METTL24: variants seen among roughly 807,000 people sequenced by gnomAD.
METTL24 encodes probable methyltransferase-like protein 24.
METTL24 carries 29 observed loss-of-function variants against 32.7 expected under a neutral mutation model. That is an observed-to-expected ratio of 0.89 (90% CI 0.66 to 1.21). The LOEUF is 1.21. METTL24 is among the 50% of genes most tolerant of loss of function. The pLI, the probability that METTL24 is intolerant of heterozygous loss-of-function variation, is 0.00. For synonymous variants in METTL24, 163 were observed against 179.5 expected (o/e 0.91, Z 0.73); for missense variants, 439 against 468.1 (o/e 0.94, Z 0.57).
intron 4 of METTL24, among the ~76,000 whole-genome samples, chr6:110,248,564 C>G (rs1778214337): frequency 6.7e-6 from 1 of 148,812 alleles, no homozygotes; most frequent in Non-Finnish European, 1.5e-5. Context: ...AAAACAAAAC[C>G]TTTCTTCATG....
chr6:110,312,973 A>G (rs1562234332), intron 3 of METTL24, among the ~76,000 whole-genome samples: 1 of 152,248 alleles, frequency 6.6e-6, no homozygotes, highest in Admixed American at 6.5e-5. Context: ...AGAGATTTAC[A>G]TTGGTTACTT....
At chr6:110,353,025 A>G (rs1220867999) in intron 1 of METTL24, among the ~76,000 whole-genome samples, 1 of 152,252 alleles carries the variant, frequency 6.6e-6, no homozygotes, top group Non-Finnish European at 1.5e-5. Flanking sequence ...AGCCTCCATT[A>G]GCAGTTCCTT....
chr6:110,336,956 A>G (rs2114767573), intron 1 of METTL24, among the ~76,000 whole-genome samples: 1 of 152,306 alleles, frequency 6.6e-6, no homozygotes, highest in African/African-American at 2.4e-5. Flanking sequence ...ATTCTGCCAT[A>G]AAGACACATG....
At chr6:110,253,832 A>G in intron 4 of METTL24, 1 of 1,331,962 alleles carries the variant, frequency 7.5e-7, no homozygotes, top group Non-Finnish European at 9.9e-7. Context: ...ATAACAGACT[A>G]TGAATATATT....
At chr6:110,292,038 T>G (rs1771330391) in intron 4 of METTL24, among the ~76,000 whole-genome samples, 1 of 152,242 alleles carries the variant, frequency 6.6e-6, no homozygotes, top group South Asian at 2.1e-4. Flanking sequence ...ATCTCAGAAA[T>G]TGTTCCACAT....
chr6:110,302,041 C>A (rs575524945), intron 3 of METTL24, among the ~76,000 whole-genome samples: 2 of 152,060 alleles, frequency 1.3e-5, no homozygotes, highest in East Asian at 3.9e-4. Flanking sequence ...TTTAGGAGGC[C>A]GAGGTGGGCA....
chr6:110,296,322 GA>G (rs1582407826), intron 4 of METTL24, among the ~76,000 whole-genome samples: 1 of 152,176 alleles, frequency 6.6e-6, no homozygotes, highest in South Asian at 2.1e-4. Flanking sequence ...GTTGCATTCT[GA>G]AAAAACTGTA....
chr6:110,336,194 T>C (rs1772223798), intron 1 of METTL24, among the ~76,000 whole-genome samples: 1 of 152,206 alleles, frequency 6.6e-6, no homozygotes, highest in African/African-American at 2.4e-5. Flanking sequence ...GATTTGGGCC[T>C]TTCTGATGAG....
At chr6:110,273,707 T>TA (rs540057111) in intron 4 of METTL24, among the ~76,000 whole-genome samples, 162 of 152,204 alleles carry the variant, frequency 1.1e-3, no homozygotes, top group Non-Finnish European at 1.9e-3. Flanking sequence ...GGCAATAATT[T>TA]AAAAATTAAA....
chr6:110,298,777 T>G, intron 4 of METTL24, 145 bp downstream of exon 4: 1 of 693,888 alleles, frequency 1.4e-6, no homozygotes. Flanking sequence ...TAGAGTTGAC[T>G]CTATAAATAA....
At chr6:110,342,051 A>G (rs1372987785) in intron 1 of METTL24, among the ~76,000 whole-genome samples, 1 of 152,226 alleles carries the variant, frequency 6.6e-6, no homozygotes, top group African/African-American at 2.4e-5. Context: ...CCTTAGCAGA[A>G]CAAGCGCTCC....
At chr6:110,282,373 A>G (rs1771151015) in intron 4 of METTL24, among the ~76,000 whole-genome samples, 1 of 152,128 alleles carries the variant, frequency 6.6e-6, no homozygotes, top group Non-Finnish European at 1.5e-5. Context: ...CCCAATAACT[A>G]CTTAATAAAT....
chr6:110,298,705 C>T (rs1771464692), intron 4 of METTL24, among the ~76,000 whole-genome samples: 1 of 152,176 alleles, frequency 6.6e-6, no homozygotes, highest in South Asian at 2.1e-4. Context: ...TAACATTACT[C>T]AACAGCAACT....
intron 1 of METTL24, among the ~76,000 whole-genome samples, chr6:110,337,488 C>T (rs895704260): frequency 3.9e-5 from 6 of 152,082 alleles, no homozygotes; most frequent in African/African-American, 1.4e-4. Context: ...TGAATGTACC[C>T]CTACAGCACT....
intron 4 of METTL24, among the ~76,000 whole-genome samples, chr6:110,255,292 A>C (rs1051930941): frequency 6.6e-6 from 1 of 152,190 alleles, no homozygotes; most frequent in African/African-American, 2.4e-5. Context: ...CTGGCCAGAT[A>C]TGGAGCTTGA....
intron 1 of METTL24, among the ~76,000 whole-genome samples, chr6:110,338,763 A>G (rs776048090): frequency 6.6e-6 from 1 of 152,194 alleles, no homozygotes; most frequent in Non-Finnish European, 1.5e-5. Context: ...GAAATCATTA[A>G]GGTTAGGTTT....
chr6:110,336,140 C>T (rs112663123), intron 1 of METTL24, among the ~76,000 whole-genome samples: 1 of 152,142 alleles, frequency 6.6e-6, no homozygotes, highest in Non-Finnish European at 1.5e-5. Flanking sequence ...GAGGATAAAT[C>T]CTTAGTGAGT....
chr6:110,289,737 G>C (rs1376570190), intron 4 of METTL24, among the ~76,000 whole-genome samples: 1 of 152,052 alleles, frequency 6.6e-6, no homozygotes. Flanking sequence ...ATATTAACAA[G>C]GTACAAAATT....
chr6:110,321,725 G>A (rs1332719640), intron 2 of METTL24, among the ~76,000 whole-genome samples: 1 of 152,150 alleles, frequency 6.6e-6, no homozygotes, highest in African/African-American at 2.4e-5. Flanking sequence ...GTCCATGTTT[G>A]GGTGACAAAT....
Sources: allele counts gnomAD v4.1 joint callset (sites outside exome capture counted in the v4.1 genomes callset), GRCh38; gene constraint gnomAD v4.1.1; transcripts MANE v1.5; gene names NCBI Gene and HGNC (gene_info 2026-07-23, HGNC 2026-07-21).